The following DNAH17 variants were observed in gnomAD, a reference collection of about 807,000 sequenced individuals.
The protein encoded by DNAH17 is axonemal beta dynein heavy chain 17.
Under a neutral mutation model 485.6 loss-of-function variants are expected in DNAH17, and 376 were observed. That is an observed-to-expected ratio of 0.77 (90% confidence interval 0.71 to 0.84). The LOEUF (loss-of-function observed/expected upper bound fraction) is 0.84, where lower values mean the gene tolerates loss of function less well. Among genes scored for constraint, DNAH17 ranks in the 40% least tolerant of loss-of-function variants. The pLI, the probability that DNAH17 is intolerant of heterozygous loss-of-function variation, is 0.00. For missense variants in DNAH17, 6,370 were observed against 5,839.3 expected (o/e 1.09, Z -2.96); for synonymous variants, 3,031 against 2,405.9 (o/e 1.26, Z -7.60).
At chr17:78,515,792 C>T (rs549691188) in intron 25 of DNAH17, among the ~76,000 whole-genome samples, 119 of 152,358 alleles carry the variant, frequency 7.8e-4, no homozygotes, top group African/African-American at 1.3e-3. Flanking sequence ...CTTGGAACTA[C>T]AGCATGCACT....
intron 6 of DNAH17, among the ~76,000 whole-genome samples, chr17:78,570,668 G>A (rs1474545086): frequency 6.6e-6 from 1 of 151,854 alleles, no homozygotes; most frequent in South Asian, 2.1e-4. Context: ...GACCATCCTG[G>A]CCAACATAAT....
chr17:78,540,451 G>GGATGGATGGATGGATGGGTGGGTGGA (rs2091499962), intron 17 of DNAH17, among the ~76,000 whole-genome samples: 1 of 15,232 alleles, frequency 6.6e-5, no homozygotes, highest in Non-Finnish European at 1.2e-4. Flanking sequence ...GGATGGATGG[G>GGATGGATGGATGGATGGGTGGGTGGA]TGGGTGGGTG....
rs1241649208 is a variant in DNAH17 at position 78,428,468 on chromosome 17, C to G, written c.12588+57G>C. On this transcript the variant is annotated intron_variant, in intron 77 of 80. Coordinates refer to ENST00000389840, the MANE Select transcript of DNAH17 (RefSeq NM_173628.4). Reference sequence around the variant, plus strand: ...CTGCCGCCAGTCCCTGTGACCCCCTCCTCAGTTCTAGATCCTCCCCCTTCC... The same window carrying G: ...CTGCCGCCAGTCCCTGTGACCCCCTGCTCAGTTCTAGATCCTCCCCCTTCC... 1.9e-6 allele frequency: 3 copies of G among 1,546,844 alleles called. No homozygotes were observed. In the South Asian group the frequency reaches 3.6e-5, roughly 18 times the overall value.
rs142660836 is a variant in DNAH17 at position 78,517,286 on chromosome 17, C to T, written c.3865-2264G>A. Among the ~76,000 whole-genome samples the T allele has an allele frequency of 6.3e-3, 955 of 152,346 alleles. 10 individuals carry two copies. The highest frequency in any genetic ancestry group is 0.021 in the African/African-American group (884 of 41,586). On this transcript the variant is annotated intron_variant, in intron 25 of 80. Transcript: ENST00000389840. ...CTCAAACTCCCGGCCTCAAGTGATC[C>T]GCCCACCTTGGCCTCCCAAAGTGCT...
intron 25 of DNAH17, among the ~76,000 whole-genome samples, chr17:78,521,751 C>G (rs189490157): frequency 6.6e-6 from 1 of 152,182 alleles, no homozygotes; most frequent in African/African-American, 2.4e-5. Flanking sequence ...CTTTGGGAGG[C>G]CAAGGCGGGC....
intron 71 of DNAH17, 138 bp from the exon 72 acceptor site, chr17:78,441,337 A>G (rs1262702016): frequency 1.0e-6 from 1 of 955,876 alleles, no homozygotes; most frequent in South Asian, 1.7e-5. Flanking sequence ...GTGGCAGGAG[A>G]GCAGAGTCTT....
At chr17:78,442,352 C>T (rs1016920043) in intron 71 of DNAH17, among the ~76,000 whole-genome samples, 5 of 152,258 alleles carry the variant, frequency 3.3e-5, no homozygotes, top group African/African-American at 1.2e-4. Context: ...ATTCCTTTCC[C>T]TGCACTGGCC....
intron 26 of DNAH17, 199 bp from the exon 27 acceptor site, chr17:78,510,705 T>A: frequency 3.1e-6 from 2 of 636,416 alleles, no homozygotes; most frequent in Admixed American, 2.9e-5. Context: ...TCCTTCCCTG[T>A]AAAACCGCAT....
intron 51 of DNAH17, among the ~76,000 whole-genome samples, chr17:78,477,671 C>T (rs770970715): frequency 1.3e-4 from 20 of 152,174 alleles, no homozygotes; most frequent in Non-Finnish European, 2.1e-4. Flanking sequence ...ACCACTGCAC[C>T]CGGCTGGGCT....
At chr17:78,538,996 G>T (rs562199689) in intron 18 of DNAH17, among the ~76,000 whole-genome samples, 7 of 152,290 alleles carry the variant, frequency 4.6e-5, no homozygotes, top group African/African-American at 7.2e-5. Flanking sequence ...ACTTTGGGAG[G>T]CCGAGGTTGG....
At chr17:78,533,940 C>T (rs973798271) in intron 19 of DNAH17, among the ~76,000 whole-genome samples, 4 of 152,206 alleles carry the variant, frequency 2.6e-5, no homozygotes, top group African/African-American at 9.7e-5. Flanking sequence ...CCTGCCTCAG[C>T]CTCCCAAAGT....
intron 12 of DNAH17, 38 bp from the exon 13 acceptor site, chr17:78,560,973 T>C: frequency 1.3e-6 from 2 of 1,528,730 alleles, no homozygotes; most frequent in Non-Finnish European, 1.8e-6. Context: ...CCACTGGATA[T>C]CTCCTGTGGG....
At chr17:78,488,598 C>T (rs2089714416) in intron 44 of DNAH17, among the ~76,000 whole-genome samples, 1 of 152,154 alleles carries the variant, frequency 6.6e-6, no homozygotes, top group Admixed American at 6.5e-5. Context: ...TTGTCTTTGC[C>T]TACCCTGAAA....
intron 75 of DNAH17, among the ~76,000 whole-genome samples, chr17:78,430,252 G>A (rs1598436554): frequency 6.6e-6 from 1 of 152,298 alleles, no homozygotes; most frequent in African/African-American, 2.4e-5. Context: ...GGCCACATGT[G>A]TCATTTTAAA....
rs1347679950 is a variant in DNAH17, at chr17:78,529,554, ATGT to A, written c.3422_3424del (p.Asn1141del). On this transcript the variant is annotated inframe_deletion, in exon 22 of 81. Coordinates refer to ENST00000389840, the MANE Select transcript of DNAH17 (RefSeq NM_173628.4). The stretch of plus-strand genomic sequence containing the variant: ...GATGGTTTGCTTCAGGGGCTCAAAC[ATGT>A]TGTCGGTGGCTGCTTGCCTCTCCTT... 2.5e-6 allele frequency: 4 copies of A among 1,613,622 alleles called. No individual in the cohort carries two copies. Among genetic ancestry groups the A allele is most frequent in the Non-Finnish European group, 3.4e-6 (4 of 1,179,856 alleles).
At chr17:78,506,694 A>G in intron 30 of DNAH17, 26 bp downstream of exon 30, 1 of 1,613,474 alleles carries the variant, frequency 6.2e-7, no homozygotes, top group Admixed American at 1.7e-5. Context: ...TGGCTTAAAC[A>G]CCGGAATGCA....
intron 14 of DNAH17, among the ~76,000 whole-genome samples, chr17:78,554,422 A>G (rs535260083): frequency 4.8e-4 from 63 of 132,272 alleles, no homozygotes; most frequent in African/African-American, 1.6e-3. Flanking sequence ...GGACAATAGA[A>G]TGAGACTCTG....
chr17:78,474,347 T>G (rs1305636246), intron 54 of DNAH17, among the ~76,000 whole-genome samples: 1 of 152,260 alleles, frequency 6.6e-6, no homozygotes, highest in Admixed American at 6.5e-5. Context: ...AGCACGATGA[T>G]TCCTTCTGAA....
At chr17:78,568,060 A>G (rs559168885) in intron 9 of DNAH17, among the ~76,000 whole-genome samples, 5 of 152,298 alleles carry the variant, frequency 3.3e-5, no homozygotes, top group African/African-American at 1.2e-4. Context: ...ACCGAGGACC[A>G]GGAGCTCTTG....
Sources: allele counts gnomAD v4.1 joint callset (sites outside exome capture counted in the v4.1 genomes callset), GRCh38; gene constraint gnomAD v4.1.1; transcripts MANE v1.5; gene names NCBI Gene and HGNC (gene_info 2026-07-23, HGNC 2026-07-21).